TENM4: variants seen among roughly 807,000 people sequenced by gnomAD.
TENM4 encodes teneurin transmembrane protein 4.
A neutral mutation model predicts 243.3 loss-of-function variants in TENM4; 82 were observed. The ratio of observed to expected loss-of-function variants is 0.34; its 90% confidence interval spans 0.28 to 0.40. TENM4 has a LOEUF of 0.40. TENM4 is among the 10% of genes least tolerant of loss of function. The probability of loss-of-function intolerance (pLI) is 1.00; values close to 1 mark genes in which losing one functional copy is unlikely to be tolerated. For synonymous variants in TENM4, 1,412 were observed against 1,456.3 expected (o/e 0.97, Z 0.69); for missense variants, 3,138 against 3,673.3 (o/e 0.85, Z 3.77).
intron 3 of TENM4, among the ~76,000 whole-genome samples, chr11:79,191,391 G>A (rs911239722): frequency 6.9e-6 from 1 of 145,810 alleles, no homozygotes; most frequent in African/African-American, 2.6e-5. Context: ...GGCCTCCCGA[G>A]GTGCCGGGAT....
In TENM4 at chr11:78,657,217, C is replaced by G; in HGVS notation, c.*841G>C. ...AACAGGAACATCATGGAGGACCAACCAATCACAGGCATCCTGGGTGCTTTC... is the reference window on the plus strand; with the variant it reads ...AACAGGAACATCATGGAGGACCAACGAATCACAGGCATCCTGGGTGCTTTC... On this transcript the variant is annotated 3_prime_UTR_variant, in exon 34 of 34. Transcript: ENST00000278550. 5.0e-6 allele frequency: 2 copies of G among 398,706 alleles called. No individual in the cohort carries two copies. The highest frequency in any genetic ancestry group is 6.3e-4 in the Middle Eastern group (1 of 1,588). 24.7% of individuals were successfully genotyped at this position (398,706 alleles called of 1,614,324 possible).
chr11:79,426,629 T>G (rs565529887), intron 1 of TENM4, among the ~76,000 whole-genome samples: 3 of 152,290 alleles, frequency 2.0e-5, no homozygotes, highest in African/African-American at 7.2e-5. Flanking sequence ...AGAGCCAATA[T>G]GATTTCCTGA....
chr11:79,037,034 A>G (rs74494512), intron 6 of TENM4, among the ~76,000 whole-genome samples: 10 of 90,878 alleles, frequency 1.1e-4, no homozygotes, highest in Admixed American at 4.3e-4. Context: ...AAAAAAAAAA[A>G]AAAAAAAAAA....
rs148712095 is a variant in TENM4, at chr11:79,310,940, A to T, written c.-320-13397T>A. Among the ~76,000 whole-genome samples, 526 of 152,328 alleles carry T rather than the reference A, an allele frequency of 3.5e-3. 2 individuals carry two copies. The highest frequency in any genetic ancestry group is 0.012 in the African/African-American group (494 of 41,586). On this transcript the variant is annotated intron_variant, in intron 1 of 33. Transcript: ENST00000278550. ...TTCAGCCTTTTTTAAAAAATAAATT[A>T]TTATTTAAACATTATTTACATTTCT...
intron 30 of TENM4, among the ~76,000 whole-genome samples, chr11:78,673,843 T>C (rs1327826986): frequency 6.6e-6 from 1 of 152,234 alleles, no homozygotes; most frequent in African/African-American, 2.4e-5. Flanking sequence ...ATGACGATGC[T>C]GACTTTAGCT....
At chr11:78,661,375 T>C in intron 33 of TENM4, 74 bp downstream of exon 33, 1 of 1,537,928 alleles carries the variant, frequency 6.5e-7, no homozygotes, top group East Asian at 2.4e-5. Context: ...CCCATGCTTT[T>C]CTGAAAAGCT....
intron 16 of TENM4, among the ~76,000 whole-genome samples, chr11:78,786,328 C>T (rs1029046155): frequency 5.3e-4 from 80 of 152,340 alleles, no homozygotes; most frequent in Non-Finnish European, 2.9e-4. Context: ...GGGGAGCTCT[C>T]CCCAGGATTC....
At chr11:78,820,484 CAGT>C (rs1209930981) in intron 12 of TENM4, among the ~76,000 whole-genome samples, 2 of 152,188 alleles carry the variant, frequency 1.3e-5, no homozygotes, top group African/African-American at 4.8e-5. Flanking sequence ...ATGGGGTGAA[CAGT>C]AACACACACC....
chr11:79,217,322 C>A (rs1248532728), intron 2 of TENM4, among the ~76,000 whole-genome samples: 1 of 152,010 alleles, frequency 6.6e-6, no homozygotes, highest in African/African-American at 2.4e-5. Context: ...CCACACTCAC[C>A]CATAAAAAAT....
chr11:78,951,070 T>C (rs569962347), intron 6 of TENM4, among the ~76,000 whole-genome samples: 76 of 152,374 alleles, frequency 5.0e-4, no homozygotes, highest in Non-Finnish European at 8.2e-4. Flanking sequence ...AAATGCAGCG[T>C]GCTCAAGGGC....
At chr11:79,256,231 T>A (rs773094093) in intron 2 of TENM4, among the ~76,000 whole-genome samples, 19 of 152,180 alleles carry the variant, frequency 1.2e-4, no homozygotes, top group Non-Finnish European at 2.6e-4. Context: ...TTAGGCCTAG[T>A]GGGTAGTAAC....
chr11:79,004,375 G>A (rs998085818), intron 6 of TENM4, among the ~76,000 whole-genome samples: 4 of 151,916 alleles, frequency 2.6e-5, no homozygotes, highest in African/African-American at 4.8e-5. Context: ...ACTTTAAATC[G>A]ACTACACAAT....
chr11:78,672,502 G>A (rs1427728224), intron 30 of TENM4, among the ~76,000 whole-genome samples, 173 bp from the exon 31 acceptor site: 1 of 152,210 alleles, frequency 6.6e-6, no homozygotes, highest in African/African-American at 2.4e-5. Flanking sequence ...TGTCAGCTCT[G>A]TGAAGTTTCC....
rs114221529 is a variant in TENM4 at position 78,827,403 on chromosome 11, A to C, written c.1682-13008T>G. On this transcript the variant is annotated intron_variant, in intron 12 of 33. Coordinates refer to ENST00000278550, the MANE Select transcript of TENM4 (RefSeq NM_001098816.3). Reference sequence around the variant, plus strand: ...GCCTCCCTGACTGAGCCCACTGCTCATAACTTTACCTGAAAATCCTCTTTT... The same window carrying C: ...GCCTCCCTGACTGAGCCCACTGCTCCTAACTTTACCTGAAAATCCTCTTTT... Among the ~76,000 whole-genome samples, 928 of 152,278 alleles carry C rather than the reference A, an allele frequency of 6.1e-3. 13 individuals are homozygous for C. The highest frequency in any genetic ancestry group is 0.021 in the African/African-American group (875 of 41,548).
At position 78,876,123 on chromosome 11, in the gene TENM4, G is replaced by A. The variant is rs560595857; in HGVS notation, c.1085-12991C>T. ...CAGCCGAACAAGTTATTTGACTGCA[G>A]CAGGCCTCAGTTTCCACATCTGGGG... is the stretch of plus-strand genomic sequence containing the variant. On this transcript the variant is annotated intron_variant, in intron 9 of 33. Transcript: ENST00000278550. Among the ~76,000 whole-genome samples the A allele has an allele frequency of 1.9e-3, 297 of 152,328 alleles. 1 individual carries two copies. Among genetic ancestry groups the A allele is most frequent in the Middle Eastern group, 6.8e-3 (2 of 294 alleles).
At chr11:79,163,375 T>C (rs775672239) in intron 3 of TENM4, among the ~76,000 whole-genome samples, 69 of 152,246 alleles carry the variant, frequency 4.5e-4, no homozygotes, top group Non-Finnish European at 7.1e-4. Context: ...ACAAGCCACA[T>C]AGCCAAGAAA....
intron 1 of TENM4, among the ~76,000 whole-genome samples, chr11:79,327,306 T>C (rs1429032351): frequency 6.6e-6 from 1 of 152,192 alleles, no homozygotes; most frequent in Non-Finnish European, 1.5e-5. Flanking sequence ...GAATTTTAAA[T>C]TTGAATCAAT....
intron 17 of TENM4, among the ~76,000 whole-genome samples, chr11:78,772,918 G>C (rs2135999043): frequency 6.6e-6 from 1 of 152,328 alleles, no homozygotes; most frequent in South Asian, 2.1e-4. Flanking sequence ...GAGGCTACCA[G>C]CATGGCCACC....
chr11:79,406,148 C>T (rs1590943439), intron 1 of TENM4, among the ~76,000 whole-genome samples: 1 of 152,104 alleles, frequency 6.6e-6, no homozygotes, highest in Non-Finnish European at 1.5e-5. Context: ...CTGTAGCACC[C>T]GAGACTTGCT....
Sources: allele counts gnomAD v4.1 joint callset (sites outside exome capture counted in the v4.1 genomes callset), GRCh38; gene constraint gnomAD v4.1.1; transcripts MANE v1.5; gene names NCBI Gene and HGNC (gene_info 2026-07-23, HGNC 2026-07-21).